UNC13C: variants seen among roughly 807,000 people sequenced by gnomAD.
UNC13C encodes the protein protein unc-13 homolog C.
In UNC13C, 174 loss-of-function variants were observed where a neutral mutation model predicts 245.4. That is an observed-to-expected ratio of 0.71 (90% CI 0.63 to 0.80). The LOEUF (loss-of-function observed/expected upper bound fraction) is 0.80. Ranked by LOEUF, UNC13C falls within the 30% of genes least tolerant of loss-of-function variation. The pLI, the probability that UNC13C is intolerant of heterozygous loss-of-function variation, is 0.00. For synonymous variants in UNC13C, 992 were observed against 895.1 expected (o/e 1.11, Z -1.93); for missense variants, 2,829 against 2,602.9 (o/e 1.09, Z -1.89).
intron 13 of UNC13C, among the ~76,000 whole-genome samples, chr15:54,312,279 C>G (rs35926155): frequency 0.083 from 12,571 of 151,546 alleles, 614 homozygotes; most frequent in Admixed American, 0.12. Context: ...GTTTTGGCAA[C>G]TTTCAGGGTT....
At chr15:54,442,250 C>CT (rs35414078) in intron 19 of UNC13C, among the ~76,000 whole-genome samples, 10,858 of 127,378 alleles carry the variant, frequency 0.085, 683 homozygotes, top group African/African-American at 0.14. Context: ...TGTTCCAGTT[C>CT]TTTTTTTTTT....
chr15:54,213,737 A>G (rs1357741789), intron 4 of UNC13C, among the ~76,000 whole-genome samples: 4 of 152,088 alleles, frequency 2.6e-5, no homozygotes, highest in Non-Finnish European at 4.4e-5. Flanking sequence ...CCAAAAATAG[A>G]TAAAGCTATA....
At chr15:54,179,972 T>G (rs185548610) in intron 4 of UNC13C, among the ~76,000 whole-genome samples, 13 of 152,032 alleles carry the variant, frequency 8.6e-5, no homozygotes, top group African/African-American at 3.1e-4. Context: ...CAAGAGAAAA[T>G]AAAATGATAT....
chr15:54,098,246 C>G (rs1267378266), intron 2 of UNC13C, among the ~76,000 whole-genome samples: 1 of 152,150 alleles, frequency 6.6e-6, no homozygotes, highest in Admixed American at 6.5e-5. Flanking sequence ...GTGATGTTGG[C>G]TCACTGCAAC....
chr15:54,398,019 T>C (rs915683559), intron 18 of UNC13C, among the ~76,000 whole-genome samples: 2 of 151,424 alleles, frequency 1.3e-5, no homozygotes, highest in African/African-American at 4.8e-5. Flanking sequence ...GCAGACATTC[T>C]TGCCTTATTC....
chr15:54,285,428 C>T (rs1034348984), intron 10 of UNC13C, among the ~76,000 whole-genome samples: 6 of 151,980 alleles, frequency 3.9e-5, no homozygotes, highest in South Asian at 2.1e-4. Flanking sequence ...AGTGAGATAC[C>T]GATATTGCAA....
At chr15:53,899,507 A>G in the UNC13C span, among the ~76,000 whole-genome samples, 4 of 152,130 alleles carry the variant, frequency 2.6e-5, no homozygotes, top group Admixed American at 1.3e-4. Context: ...CAAGAGACCA[A>G]TTTTCTTAAC....
rs12592556 is a variant in UNC13C, at chr15:54,127,145, G to A, written c.2984-15873G>A. Among the ~76,000 whole-genome samples the A allele has an allele frequency of 3.4e-3, 522 of 152,262 alleles. 15 individuals carry two copies. The East Asian group carries it at 0.065, about 19-fold the overall frequency. The stretch of plus-strand genomic sequence containing the variant: ...ATTCGGTCATTGTGGAAAACAGTGC[G>A]GCGATTCCTCAGTGATCTAGAACCA... On this transcript the variant is annotated intron_variant, in intron 2 of 32. Coordinates refer to ENST00000260323, the MANE Select transcript of UNC13C (RefSeq NM_001080534.3).
intron 24 of UNC13C, among the ~76,000 whole-genome samples, chr15:54,525,265 C>A (rs1190899060): frequency 6.6e-6 from 1 of 151,962 alleles, no homozygotes; most frequent in Non-Finnish European, 1.5e-5. Flanking sequence ...TTTTGTCATG[C>A]CTTGCATCTC....
At chr15:54,067,949 T>C (rs1898147489) in intron 2 of UNC13C, among the ~76,000 whole-genome samples, 1 of 152,196 alleles carries the variant, frequency 6.6e-6, no homozygotes. Flanking sequence ...AGTTAAATTA[T>C]ATTTCAGATA....
downstream of UNC13C, chr15:54,632,105 C>G (rs1294505742): frequency 6.6e-6 from 1 of 152,140 alleles, no homozygotes; most frequent in East Asian, 1.9e-4. Flanking sequence ...TTGAGTATCT[C>G]TGTGTGTGCT....
At chr15:54,326,511 A>G in intron 14 of UNC13C, among the ~76,000 whole-genome samples, 1 of 152,062 alleles carries the variant, frequency 6.6e-6, no homozygotes, top group Non-Finnish European at 1.5e-5. Context: ...ATTTTGCAGA[A>G]AAGAGGCCAT....
chr15:53,914,885 G>A, the UNC13C span, among the ~76,000 whole-genome samples: 1 of 152,042 alleles, frequency 6.6e-6, no homozygotes, highest in Non-Finnish European at 1.5e-5. Context: ...CTAAATATGT[G>A]TGTGTATGTA....
chr15:54,454,259 A>C (rs1396565148), intron 19 of UNC13C, among the ~76,000 whole-genome samples: 1 of 151,994 alleles, frequency 6.6e-6, no homozygotes, highest in Admixed American at 6.6e-5. Context: ...CTTCATCCCC[A>C]AGAGAAACTC....
chr15:54,142,640 G>A (rs546392930), intron 2 of UNC13C, among the ~76,000 whole-genome samples: 1 of 152,294 alleles, frequency 6.6e-6, no homozygotes, highest in African/African-American at 2.4e-5. Flanking sequence ...ATTTGTGATT[G>A]TATTTCAGAG....
chr15:54,426,316 A>G (rs373403357), intron 19 of UNC13C, among the ~76,000 whole-genome samples: 3 of 147,876 alleles, frequency 2.0e-5, no homozygotes, highest in Non-Finnish European at 4.5e-5. Context: ...TTCTGCTTCC[A>G]TATTATCTCG....
At chr15:53,937,518 C>T in the UNC13C span, among the ~76,000 whole-genome samples, 1 of 152,144 alleles carries the variant, frequency 6.6e-6, no homozygotes, top group Non-Finnish European at 1.5e-5. Flanking sequence ...CATTCAAATT[C>T]AGGAAATGCA....
At chr15:53,972,755 A>G in the UNC13C span, 1 of 152,128 alleles carries the variant, frequency 6.6e-6, no homozygotes, top group East Asian at 1.9e-4. Context: ...AATGATTGGC[A>G]TGTGATGTTA....
the UNC13C span, among the ~76,000 whole-genome samples, chr15:53,899,221 T>C: frequency 6.6e-6 from 1 of 152,228 alleles, no homozygotes; most frequent in African/African-American, 2.4e-5. Flanking sequence ...GAATATAAGC[T>C]CTTTGAGGTC....
Sources: gnomAD v4.1 joint callset for allele counts (sites outside exome capture counted in the v4.1 genomes callset) on GRCh38, gnomAD v4.1.1 for gene constraint, MANE v1.5 for transcripts, NCBI Gene and HGNC (gene_info 2026-07-23, HGNC 2026-07-21) for gene names.